Variants in LEKR1 observed in about 807,000 individuals in gnomAD.
The protein encoded by LEKR1 is leucine, glutamate and lysine rich 1, also known as protein LEKR1.
In LEKR1, 59 loss-of-function variants were observed where a neutral mutation model predicts 72.4. The observed-to-expected ratio is 0.82, with a 90% CI of 0.66 to 1.01. The LOEUF is 1.01. Ranked by LOEUF, LEKR1 falls within the 50% of genes least tolerant of loss-of-function variation. The pLI is 0.00. For synonymous variants in LEKR1, 257 were observed against 263.2 expected (o/e 0.98, Z 0.23); for missense variants, 728 against 759.2 (o/e 0.96, Z 0.48).
Position 156,843,736 on chromosome 3 carries a change from G to A in LEKR1, c.49-9032G>A, listed in dbSNP as rs1192176265. ...GGTTATTTTGGGCCACTGTGGCTAG[G>A]TTCAGATTTTTTGTTGAGTTGAAGT... On this transcript the variant is annotated intron_variant, in intron 2 of 12. Coordinates refer to ENST00000356539, the MANE Select transcript of LEKR1 (RefSeq NM_001004316.3). Among the ~76,000 whole-genome samples the A allele has an allele frequency of 5.3e-5, 8 of 152,184 alleles. No homozygotes were observed. In the East Asian group the frequency reaches 1.3e-3, roughly 26 times the overall value.
At chr3:157,027,765 G>T (rs1734308020) in intron 11 of LEKR1, among the ~76,000 whole-genome samples, 1 of 152,064 alleles carries the variant, frequency 6.6e-6, no homozygotes, top group Non-Finnish European at 1.5e-5. Flanking sequence ...TGAGAGCCAT[G>T]ATTACACCAC....
intron 2 of LEKR1, among the ~76,000 whole-genome samples, chr3:156,836,648 T>G (rs928602384): frequency 1.3e-5 from 2 of 152,222 alleles, no homozygotes; most frequent in Non-Finnish European, 2.9e-5. Context: ...GTAAGTCTTA[T>G]CTAAGATTAT....
At chr3:156,945,676 C>G (rs1444861046) in intron 6 of LEKR1, among the ~76,000 whole-genome samples, 1 of 151,690 alleles carries the variant, frequency 6.6e-6, no homozygotes, top group East Asian at 1.9e-4. Context: ...TATGGATATC[C>G]TGTTTTCCCA....
chr3:156,890,874 T>A (rs921508580), intron 3 of LEKR1, among the ~76,000 whole-genome samples: 5 of 151,060 alleles, frequency 3.3e-5, no homozygotes, highest in Non-Finnish European at 7.4e-5. Flanking sequence ...TTTTTTTTTT[T>A]TTTGAGATGG....
At chr3:156,864,192 C>G (rs939328369) in intron 3 of LEKR1, among the ~76,000 whole-genome samples, 1 of 151,932 alleles carries the variant, frequency 6.6e-6, no homozygotes, top group African/African-American at 2.4e-5. Context: ...TTCTCTCTTT[C>G]TTTTTCTGTT....
intron 3 of LEKR1, among the ~76,000 whole-genome samples, chr3:156,916,263 A>G (rs916433237): frequency 3.3e-5 from 5 of 151,788 alleles, no homozygotes; most frequent in African/African-American, 9.7e-5. Flanking sequence ...TTTGTTCCAT[A>G]TGTATTTTAA....
At chr3:156,868,839 C>T (rs549348433) in intron 3 of LEKR1, among the ~76,000 whole-genome samples, 2 of 151,916 alleles carry the variant, frequency 1.3e-5, no homozygotes, top group Admixed American at 1.3e-4. Context: ...TTTCATTCCC[C>T]CTCCCACCAT....
chr3:156,914,275 TC>T (rs1316261541), intron 3 of LEKR1, among the ~76,000 whole-genome samples: 1 of 151,246 alleles, frequency 6.6e-6, no homozygotes, highest in Admixed American at 6.6e-5. Flanking sequence ...CAACCCATTA[TC>T]TACGTTAGGT....
At chr3:156,841,400 A>G in intron 2 of LEKR1, among the ~76,000 whole-genome samples, 1 of 152,216 alleles carries the variant, frequency 6.6e-6, no homozygotes, top group Non-Finnish European at 1.5e-5. Flanking sequence ...TTACAAGTAA[A>G]TTGTTTAAAA....
chr3:156,951,238 C>T (rs1160708068), intron 6 of LEKR1, among the ~76,000 whole-genome samples: 2 of 151,522 alleles, frequency 1.3e-5, no homozygotes, highest in Non-Finnish European at 3.0e-5. Flanking sequence ...GTGTTAGCTT[C>T]TTGATGTGCT....
chr3:156,829,277 T>C lies in LEKR1; in HGVS notation c.-44-9T>C. 9.6e-7 allele frequency: 1 copy of C among 1,045,080 alleles called. No homozygotes were observed. Among genetic ancestry groups the C allele is most frequent in the South Asian group, 1.4e-5 (1 of 72,278 alleles). 64.7% of individuals were successfully genotyped at this position (1,045,080 alleles called of 1,614,324 possible). On this transcript the variant is annotated splice_polypyrimidine_tract_variant and intron_variant, in intron 1 of 12. Coordinates refer to ENST00000356539, the MANE Select transcript of LEKR1 (RefSeq NM_001004316.3). ...TTTCTGTTCTGACTGTTGCCATCAA[T>C]GTTCTTAGATTTCCTTTGGCTTCAA...
chr3:156,870,187 A>C (rs62275176), intron 3 of LEKR1, among the ~76,000 whole-genome samples: 5 of 151,672 alleles, frequency 3.3e-5, no homozygotes, highest in East Asian at 1.9e-4. Flanking sequence ...TGGCTTTTTG[A>C]ACTCCCTTGG....
chr3:156,835,863 CTTTTTTTTTTTT>C (rs59061418), intron 2 of LEKR1, among the ~76,000 whole-genome samples: 18 of 55,534 alleles, frequency 3.2e-4, no homozygotes, highest in East Asian at 7.4e-4. Context: ...CTCTGTCTCA[CTTTTTTTTTTTT>C]TTTTTTTTTT....
At chr3:156,899,978 G>A (rs1156780901) in intron 3 of LEKR1, among the ~76,000 whole-genome samples, 4 of 151,970 alleles carry the variant, frequency 2.6e-5, no homozygotes, top group Non-Finnish European at 5.9e-5. Flanking sequence ...ATAGCTAAAG[G>A]CTCATTCAAA....
chr3:156,937,519 T>C (rs1278482496), intron 5 of LEKR1, among the ~76,000 whole-genome samples: 3 of 152,182 alleles, frequency 2.0e-5, no homozygotes, highest in Non-Finnish European at 4.4e-5. Context: ...CTGACCATAT[T>C]AAGTCTTGAC....
chr3:157,014,002 A>G (rs546306177), intron 10 of LEKR1, among the ~76,000 whole-genome samples: 1 of 152,176 alleles, frequency 6.6e-6, no homozygotes, highest in South Asian at 2.1e-4. Context: ...ATTTTAAAAT[A>G]ACTACGTATT....
chr3:156,956,168 A>C (rs1727616555), intron 6 of LEKR1, among the ~76,000 whole-genome samples: 1 of 151,896 alleles, frequency 6.6e-6, no homozygotes, highest in Non-Finnish European at 1.5e-5. Flanking sequence ...TGCTAGATTC[A>C]CAGCCAAAAT....
intron 3 of LEKR1, among the ~76,000 whole-genome samples, chr3:156,858,649 T>C (rs1360165106): frequency 1.3e-5 from 2 of 149,490 alleles, no homozygotes; most frequent in African/African-American, 5.0e-5. Flanking sequence ...CATTCCAGCC[T>C]GGATGGCAGA....
intron 2 of LEKR1, among the ~76,000 whole-genome samples, chr3:156,851,431 A>G (rs1208195624): frequency 1.3e-5 from 2 of 152,190 alleles, no homozygotes; most frequent in East Asian, 3.8e-4. Flanking sequence ...GTTTCCCATC[A>G]TTTGGGATGT....
Sources: gnomAD v4.1 joint callset for allele counts (sites outside exome capture counted in the v4.1 genomes callset) on GRCh38, gnomAD v4.1.1 for gene constraint, MANE v1.5 for transcripts, NCBI Gene and HGNC (gene_info 2026-07-23, HGNC 2026-07-21) for gene names.